The following ZBTB40 variants were observed in gnomAD, a reference collection of about 807,000 sequenced individuals.
The protein encoded by ZBTB40 is zinc finger and BTB domain-containing protein 40.
In ZBTB40, 60 loss-of-function variants were observed where a neutral mutation model predicts 117.5. That is an observed-to-expected ratio of 0.51 (90% CI 0.41 to 0.63). ZBTB40 has a LOEUF of 0.63. ZBTB40 is among the 30% of genes least tolerant of loss of function. The probability of loss-of-function intolerance (pLI) is 0.00; values close to 1 mark genes in which losing one functional copy is unlikely to be tolerated. For missense variants in ZBTB40, 1,287 were observed against 1,498.5 expected (o/e 0.86, Z 2.33); for synonymous variants, 525 against 577.1 (o/e 0.91, Z 1.29).
chr1:22,445,128 G>A lies in ZBTB40; in HGVS notation c.-70+16114G>A, dbSNP rs557534544. Among the ~76,000 whole-genome samples the A allele has an allele frequency of 5.3e-5, 8 of 152,264 alleles. No homozygotes were observed. In the South Asian group the frequency reaches 1.4e-3, roughly 28 times the overall value. ...GCTAAAATACTTGCCCAACATTCCT[G>A]GTTGGGGAGATCATCTCCTGCCCTG... On this transcript the variant is annotated intron_variant, in intron 1 of 8. Coordinates refer to the ZBTB40 transcript ENST00000650433.
chr1:22,451,553 G>A (rs111564821), upstream of ZBTB40, among the ~76,000 whole-genome samples: 4 of 152,052 alleles, frequency 2.6e-5, no homozygotes, highest in African/African-American at 9.6e-5. Context: ...GCTGAGGCAG[G>A]AGAATCGCTT....
chr1:22,466,668 A>G (rs943257727), intron 1 of ZBTB40, among the ~76,000 whole-genome samples: 1 of 151,930 alleles, frequency 6.6e-6, no homozygotes, highest in Non-Finnish European at 1.5e-5. Flanking sequence ...TCATGTACTT[A>G]CTGGCCACTT....
chr1:22,454,042 C>T (rs1375189297), intron 1 of ZBTB40, among the ~76,000 whole-genome samples: 1 of 152,146 alleles, frequency 6.6e-6, no homozygotes, highest in Non-Finnish European at 1.5e-5. Context: ...CTCCGCCTCC[C>T]GGGTTCAAGT....
intron 1 of ZBTB40, among the ~76,000 whole-genome samples, chr1:22,463,008 G>A (rs530135601): frequency 2.5e-5 from 2 of 80,008 alleles, no homozygotes; most frequent in Non-Finnish European, 3.7e-5. Flanking sequence ...TTTAGTGACT[G>A]TTAACAGTGT....
At chr1:22,507,587 A>G (rs1639104390) in intron 6 of ZBTB40, among the ~76,000 whole-genome samples, 1 of 152,206 alleles carries the variant, frequency 6.6e-6, no homozygotes, top group African/African-American at 2.4e-5. Flanking sequence ...GGGCACCTAA[A>G]TAGAAAAACC....
chr1:22,485,082 C>T (rs115582694), intron 1 of ZBTB40, among the ~76,000 whole-genome samples: 2,103 of 152,216 alleles, frequency 0.014, 26 homozygotes, highest in Non-Finnish European at 0.021. Flanking sequence ...TCTATCTTAA[C>T]GAGAGATACT....
Position 22,520,095 on chromosome 1 carries a change from G to A in ZBTB40, c.2868G>A (p.Arg956=). Reference sequence around the variant, plus strand: ...ATCCTTATGACTGCAAGAAGTGCAGGATGAGTTTCCCCACTCTTCAGGATC... The same window carrying A: ...ATCCTTATGACTGCAAGAAGTGCAGAATGAGTTTCCCCACTCTTCAGGATC... The part of the protein sequence containing the change: ...IEDPYDCKKC[R]MSFPTLQDHR... The change falls in exon 14 of 18, where the codon AGG becomes AGA. Residue 956 remains arginine, a synonymous_variant. Coordinates refer to ENST00000375647, the MANE Select transcript of ZBTB40 (RefSeq NM_014870.4). The A allele has an allele frequency of 6.2e-7, 1 of 1,614,180 alleles. No individual in the cohort carries two copies.
chr1:22,493,767 A>C, intron 3 of ZBTB40, among the ~76,000 whole-genome samples: 1 of 147,902 alleles, frequency 6.8e-6, no homozygotes, highest in East Asian at 1.9e-4. Flanking sequence ...GCTTTCATTG[A>C]GCGTAAGTAT....
chr1:22,509,167 C>T lies in ZBTB40; in HGVS notation c.1767C>T (p.Ile589=), dbSNP rs1361439279. 6.2e-7 allele frequency: 1 copy of T among 1,613,908 alleles called. No homozygotes were observed. The highest frequency in any genetic ancestry group is 1.3e-5 in the African/African-American group (1 of 74,882). The change falls in exon 9 of 18, where the codon ATC becomes ATT. Residue 589 remains isoleucine (I), a synonymous_variant. Coordinates refer to ENST00000375647, the MANE Select transcript of ZBTB40 (RefSeq NM_014870.4). ...ATAACCAGTTGATCTTGGAGGCCAT[C>T]CAACAGAAGATTGAGTACAAGCTCT... is the stretch of plus-strand genomic sequence containing the variant. ...LRHNQLILEA[I]QQKIEYKLFT... is the part of the protein sequence containing the mutation.
intron 1 of ZBTB40, among the ~76,000 whole-genome samples, chr1:22,480,121 G>C (rs958452708): frequency 5.9e-5 from 9 of 152,268 alleles, no homozygotes; most frequent in African/African-American, 2.2e-4. Context: ...TGGCTGGCTG[G>C]TCTCGAACTC....
At chr1:22,431,860 G>A (rs1640595886) in intron 1 of ZBTB40, among the ~76,000 whole-genome samples, 1 of 151,560 alleles carries the variant, frequency 6.6e-6, no homozygotes, top group South Asian at 2.1e-4. Context: ...TAATTTTTGG[G>A]TAAGTAATAT....
chr1:22,473,808 C>T (rs932223330), intron 1 of ZBTB40, among the ~76,000 whole-genome samples: 1 of 152,090 alleles, frequency 6.6e-6, no homozygotes, highest in Non-Finnish European at 1.5e-5. Flanking sequence ...TAAATCTTAG[C>T]GTTCAGTGAG....
upstream of ZBTB40, among the ~76,000 whole-genome samples, chr1:22,449,567 G>A (rs1485045588): frequency 1.3e-5 from 2 of 152,236 alleles, no homozygotes; most frequent in Non-Finnish European, 2.9e-5. Context: ...GGAAACTGCA[G>A]CCACTGATCC....
chr1:22,499,780 C>T (rs115675684), intron 3 of ZBTB40, among the ~76,000 whole-genome samples: 4,303 of 152,224 alleles, frequency 0.028, 236 homozygotes, highest in African/African-American at 0.099. Context: ...AGGTCTAACT[C>T]GTTTATAATT....
chr1:22,464,703 G>T (rs967772771), intron 1 of ZBTB40, among the ~76,000 whole-genome samples: 2 of 152,102 alleles, frequency 1.3e-5, no homozygotes, highest in Non-Finnish European at 2.9e-5. Context: ...GCATTTTTCT[G>T]TATTTTCTAT....
At chr1:22,453,542 A>G (rs1321535599) in intron 1 of ZBTB40, among the ~76,000 whole-genome samples, 1 of 152,226 alleles carries the variant, frequency 6.6e-6, no homozygotes, top group Non-Finnish European at 1.5e-5. Context: ...TCATCATAAT[A>G]AAATTATTAG....
At chr1:22,442,769 CT>C (rs1640747979) in intron 1 of ZBTB40, among the ~76,000 whole-genome samples, 1 of 152,150 alleles carries the variant, frequency 6.6e-6, no homozygotes, top group Admixed American at 6.5e-5. Context: ...CTAACAAGAT[CT>C]AGTTGGTTTA....
intron 5 of ZBTB40, among the ~76,000 whole-genome samples, chr1:22,504,223 C>T (rs1172208916): frequency 6.6e-6 from 1 of 152,070 alleles, no homozygotes; most frequent in Non-Finnish European, 1.5e-5. Context: ...CCTTTTCAAA[C>T]TTTTTTTCTG....
chr1:22,429,764 G>A (rs998322955), intron 1 of ZBTB40, among the ~76,000 whole-genome samples: 1 of 152,044 alleles, frequency 6.6e-6, no homozygotes, highest in African/African-American at 2.4e-5. Flanking sequence ...AGGCCGAGGC[G>A]GGTGGATCAC....
Sources: gnomAD v4.1 joint callset for allele counts (sites outside exome capture counted in the v4.1 genomes callset) on GRCh38, gnomAD v4.1.1 for gene constraint, MANE v1.5 for transcripts, NCBI Gene and HGNC (gene_info 2026-07-23, HGNC 2026-07-21) for gene names.